Variants in DNAJC1 observed in about 807,000 individuals in gnomAD.
DNAJC1 encodes dnaJ homolog subfamily C member 1.
Under a neutral mutation model 76.6 loss-of-function variants are expected in DNAJC1, and 58 were observed. The ratio of observed to expected loss-of-function variants is 0.76; its 90% confidence interval spans 0.61 to 0.94. The LOEUF (loss-of-function observed/expected upper bound fraction) is 0.94. Ranked by LOEUF, DNAJC1 falls within the 40% of genes least tolerant of loss-of-function variation. The probability of loss-of-function intolerance (pLI) is 0.00; values close to 1 mark genes in which losing one functional copy is unlikely to be tolerated. For synonymous variants in DNAJC1, 258 were observed against 267.9 expected (o/e 0.96, Z 0.36); for missense variants, 689 against 677.3 (o/e 1.02, Z -0.19).
intron 1 of DNAJC1, among the ~76,000 whole-genome samples, chr10:21,968,630 C>T (rs929147220): frequency 3.9e-5 from 6 of 151,998 alleles, no homozygotes; most frequent in African/African-American, 1.5e-4. Context: ...CCTGCCTCAG[C>T]CTCCCAAGTA....
intron 3 of DNAJC1, among the ~76,000 whole-genome samples, chr10:21,924,282 T>G (rs1337645245): frequency 6.6e-6 from 1 of 152,154 alleles, no homozygotes; most frequent in Non-Finnish European, 1.5e-5. Flanking sequence ...AGTTAATAAA[T>G]TTATAAAAGT....
intron 1 of DNAJC1, among the ~76,000 whole-genome samples, chr10:21,977,790 T>C (rs1264734109): frequency 6.6e-6 from 1 of 152,146 alleles, no homozygotes; most frequent in East Asian, 1.9e-4. Flanking sequence ...CTTCCCCACC[T>C]GGATAGTGAG....
chr10:21,889,719 C>G (rs1381270262), intron 7 of DNAJC1, among the ~76,000 whole-genome samples: 1 of 152,130 alleles, frequency 6.6e-6, no homozygotes, highest in African/African-American at 2.4e-5. Flanking sequence ...CTAACAGGCA[C>G]AGACACACAC....
At chr10:21,808,553 T>C (rs1157169558) in intron 8 of DNAJC1, among the ~76,000 whole-genome samples, 1 of 152,190 alleles carries the variant, frequency 6.6e-6, no homozygotes, top group Admixed American at 6.5e-5. Context: ...AGAACCCTTT[T>C]AGCAATGCAT....
At chr10:21,858,447 G>A (rs1350188285) in intron 8 of DNAJC1, among the ~76,000 whole-genome samples, 1 of 152,074 alleles carries the variant, frequency 6.6e-6, no homozygotes, top group East Asian at 1.9e-4. Flanking sequence ...TTTTTACCTG[G>A]AGCAAGCAAA....
At chr10:21,783,989 T>C (rs1416504990) in intron 9 of DNAJC1, among the ~76,000 whole-genome samples, 1 of 152,180 alleles carries the variant, frequency 6.6e-6, no homozygotes, top group Non-Finnish European at 1.5e-5. Flanking sequence ...GACACAGGCA[T>C]GGGCAAGGAC....
intron 1 of DNAJC1, among the ~76,000 whole-genome samples, chr10:21,936,076 T>C (rs1412888285): frequency 2.0e-5 from 3 of 152,166 alleles, no homozygotes; most frequent in African/African-American, 4.8e-5. Flanking sequence ...AACTCATGTG[T>C]TGAAATCTAA....
At chr10:21,995,031 T>TC in intron 1 of DNAJC1, among the ~76,000 whole-genome samples, 2 of 151,440 alleles carry the variant, frequency 1.3e-5, no homozygotes, top group South Asian at 4.2e-4. Flanking sequence ...GAAAAGAACC[T>TC]AAATAGTAAT....
At chr10:21,910,844 G>GAGGAA (rs1564824883) in intron 6 of DNAJC1, among the ~76,000 whole-genome samples, 2 of 98,828 alleles carry the variant, frequency 2.0e-5, no homozygotes, top group African/African-American at 8.9e-5. Flanking sequence ...GAGGAGAGGA[G>GAGGAA]AGGAGAGGAG....
At chr10:21,892,582 T>G (rs913223798) in intron 7 of DNAJC1, among the ~76,000 whole-genome samples, 1 of 151,902 alleles carries the variant, frequency 6.6e-6, no homozygotes, top group African/African-American at 2.4e-5. Flanking sequence ...CACAAACATA[T>G]AAACACATGG....
chr10:21,984,529 C>A (rs1370400163), intron 1 of DNAJC1, among the ~76,000 whole-genome samples: 1 of 152,208 alleles, frequency 6.6e-6, no homozygotes, highest in Non-Finnish European at 1.5e-5. Context: ...CAACCCATGT[C>A]TTCTGCTCAT....
chr10:21,799,722 T>C (rs1175794682), intron 9 of DNAJC1, among the ~76,000 whole-genome samples: 4 of 152,178 alleles, frequency 2.6e-5, no homozygotes, highest in Non-Finnish European at 4.4e-5. Flanking sequence ...GTTCTCCTGA[T>C]TCACCATTTC....
intron 8 of DNAJC1, among the ~76,000 whole-genome samples, chr10:21,835,814 T>C (rs1374414221): frequency 6.6e-6 from 1 of 152,080 alleles, no homozygotes; most frequent in Non-Finnish European, 1.5e-5. Flanking sequence ...CTCCAAGAAA[T>C]ATGGGACCAT....
At chr10:21,875,262 C>G (rs1033467297) in intron 8 of DNAJC1, among the ~76,000 whole-genome samples, 5 of 152,112 alleles carry the variant, frequency 3.3e-5, no homozygotes, top group African/African-American at 1.2e-4. Context: ...CTCAAGAGAT[C>G]CTCGTGCCCC....
intron 1 of DNAJC1, among the ~76,000 whole-genome samples, chr10:21,981,063 T>C (rs949958551): frequency 1.3e-5 from 2 of 152,190 alleles, no homozygotes; most frequent in African/African-American, 4.8e-5. Context: ...TGTTTATTAA[T>C]GCAAATTAGA....
At chr10:21,766,962 C>G (rs1222774628) in intron 9 of DNAJC1, among the ~76,000 whole-genome samples, 3 of 145,456 alleles carry the variant, frequency 2.1e-5, no homozygotes, top group African/African-American at 7.7e-5. Context: ...GGAGTGAGAC[C>G]CTGCCTAAAA....
rs997576959 is a variant in DNAJC1, at chr10:22,003,664, C to G, written c.-230G>C. 2.4e-6 allele frequency: 1 copy of G among 424,716 alleles called. No individual in the cohort carries two copies. Among genetic ancestry groups the G allele is most frequent in the Non-Finnish European group, 4.0e-6 (1 of 252,672 alleles). 26.3% of individuals were successfully genotyped at this position (424,716 alleles called of 1,614,324 possible). On this transcript the variant is annotated 5_prime_UTR_variant, in exon 1 of 12. Coordinates refer to ENST00000376980, the MANE Select transcript of DNAJC1 (RefSeq NM_022365.4). ...CGGGGCCGCAGCCAGCGCTACGTTCCGAAGACCCTCGCCCCCAGGCCTACA... is the reference window on the plus strand; with the variant it reads ...CGGGGCCGCAGCCAGCGCTACGTTCGGAAGACCCTCGCCCCCAGGCCTACA...
rs767938196 is a variant in DNAJC1, at chr10:21,766,267, A to T, written c.1141T>A (p.Ser381Thr). 6.2e-7 allele frequency: 1 copy of T among 1,611,952 alleles called. No individual in the cohort carries two copies. Among genetic ancestry groups the T allele is most frequent in the South Asian group, 1.1e-5 (1 of 91,010 alleles). Residue 381 changes from serine to threonine, a missense_variant, in exon 10 of 12, where the codon TCC becomes ACC. Transcript: ENST00000376980. Reference sequence around the variant, plus strand: ...AGAGGAAGTATGAACTCACCTGGGGAGCAGGTCACTGAATCCTTCAGTTGC... The same window carrying T: ...AGAGGAAGTATGAACTCACCTGGGGTGCAGGTCACTGAATCCTTCAGTTGC... ...AKQLKDSVTC[S>T]PGMVRLSELK...
At chr10:21,918,660 A>T (rs868785868) in intron 6 of DNAJC1, 119 bp downstream of exon 6, 1 of 646,872 alleles carries the variant, frequency 1.5e-6, no homozygotes, top group Non-Finnish European at 2.7e-6. Flanking sequence ...ATCCTACTCA[A>T]TCAACATTAT....
Sources: gnomAD v4.1 joint callset for allele counts (sites outside exome capture counted in the v4.1 genomes callset) on GRCh38, gnomAD v4.1.1 for gene constraint, MANE v1.5 for transcripts, NCBI Gene and HGNC (gene_info 2026-07-23, HGNC 2026-07-21) for gene names.